GRIA1: variants seen among roughly 807,000 people sequenced by gnomAD.
GRIA1 encodes the protein glutamate receptor 1.
In GRIA1, 31 loss-of-function variants were observed where a neutral mutation model predicts 99.2. The observed-to-expected ratio is 0.31, with a 90% confidence interval of 0.23 to 0.42. The LOEUF is 0.42. GRIA1 is among the 10% of genes least tolerant of loss of function. GRIA1 has a pLI of 1.00. For missense variants in GRIA1, 782 were observed against 1,157.5 expected, an observed-to-expected ratio of 0.68 and a Z score of 4.71; for synonymous variants, 438 against 432.4, an observed-to-expected ratio of 1.01 and a Z score of -0.16.
At chr5:153,707,227 C>G (rs1016076800) in intron 11 of GRIA1, among the ~76,000 whole-genome samples, 2 of 152,114 alleles carry the variant, frequency 1.3e-5, no homozygotes, top group Admixed American at 1.3e-4. Context: ...CACATGGAAT[C>G]AGAATGGCTC....
intron 2 of GRIA1, among the ~76,000 whole-genome samples, chr5:153,582,990 G>A (rs1296284900): frequency 6.6e-6 from 1 of 152,104 alleles, no homozygotes; most frequent in East Asian, 1.9e-4. Flanking sequence ...TAGAGACGGG[G>A]TTTCATCATG....
chr5:153,706,124 G>GTTTGTTTT (rs1758876505), intron 11 of GRIA1, 57 bp downstream of exon 11: 1 of 1,497,894 alleles, frequency 6.7e-7, no homozygotes, highest in African/African-American at 1.4e-5. Flanking sequence ...TTGTTTGTTT[G>GTTTGTTTT]TTTGTTTGTT....
chr5:153,499,671 T>C (rs1013442408), intron 2 of GRIA1, among the ~76,000 whole-genome samples: 1 of 124,726 alleles, frequency 8.0e-6, no homozygotes, highest in African/African-American at 3.1e-5. Flanking sequence ...AAAAGTACCA[T>C]AGCAGTGAAA....
At chr5:153,743,805 A>G (rs977590561) in intron 11 of GRIA1, among the ~76,000 whole-genome samples, 1 of 152,250 alleles carries the variant, frequency 6.6e-6, no homozygotes, top group East Asian at 1.9e-4. Flanking sequence ...TAATCATAGC[A>G]GTAACACCAG....
At chr5:153,542,266 C>T (rs1759196108) in intron 2 of GRIA1, among the ~76,000 whole-genome samples, 1 of 152,166 alleles carries the variant, frequency 6.6e-6, no homozygotes, top group African/African-American at 2.4e-5. Flanking sequence ...GATAGAACCC[C>T]TATAAGTCAA....
intron 2 of GRIA1, among the ~76,000 whole-genome samples, chr5:153,645,706 T>C (rs1754097426): frequency 6.6e-6 from 1 of 152,152 alleles, no homozygotes; most frequent in South Asian, 2.1e-4. Flanking sequence ...TCGCATACTG[T>C]AATTTGAGAT....
chr5:153,810,716 A>G (rs1286076314), intron 15 of GRIA1, among the ~76,000 whole-genome samples: 1 of 152,216 alleles, frequency 6.6e-6, no homozygotes, highest in Non-Finnish European at 1.5e-5. Context: ...CACATTAATC[A>G]ATAATACCAA....
At chr5:153,521,210 T>G (rs913687214) in intron 2 of GRIA1, among the ~76,000 whole-genome samples, 2 of 152,230 alleles carry the variant, frequency 1.3e-5, no homozygotes, top group African/African-American at 4.8e-5. Context: ...AGCACAATGC[T>G]TAGGCTATGC....
chr5:153,777,248 G>C (rs764472990), intron 13 of GRIA1, among the ~76,000 whole-genome samples: 1 of 152,134 alleles, frequency 6.6e-6, no homozygotes, highest in Non-Finnish European at 1.5e-5. Context: ...TCAGGGAGGC[G>C]ATGTGCTAGT....
chr5:153,578,109 C>A (rs574116392), intron 2 of GRIA1, among the ~76,000 whole-genome samples: 1 of 126,486 alleles, frequency 7.9e-6, no homozygotes, highest in Non-Finnish European at 1.6e-5. Context: ...CAAGATCACA[C>A]CATTGCGCCC....
In GRIA1 at chr5:153,701,918, G is replaced by A. The variant is rs143760956; in HGVS notation, c.1452+2845G>A. ...AATGATAGTAGTCACATTTCATCGT[G>A]TAGCGTGTGCCAGGTGCTATGTTGA... On this transcript the variant is annotated intron_variant, in intron 10 of 15. Transcript: ENST00000285900. Among the ~76,000 whole-genome samples, 456 of 152,228 alleles carry A rather than the reference G, an allele frequency of 3.0e-3. 4 individuals carry two copies. The highest frequency in any genetic ancestry group is 0.01 in the African/African-American group (426 of 41,532).
intron 2 of GRIA1, among the ~76,000 whole-genome samples, chr5:153,501,174 C>A (rs1192577761): frequency 6.6e-6 from 1 of 152,188 alleles, no homozygotes; most frequent in South Asian, 2.1e-4. Context: ...TACTTTGGGG[C>A]CTCAGATGAA....
intron 2 of GRIA1, among the ~76,000 whole-genome samples, chr5:153,562,602 G>T (rs1761228660): frequency 6.6e-6 from 1 of 152,192 alleles, no homozygotes; most frequent in Non-Finnish European, 1.5e-5. Context: ...CTAGACGAGA[G>T]AAATATTGAC....
intron 2 of GRIA1, among the ~76,000 whole-genome samples, chr5:153,504,217 C>A (rs1470839522): frequency 6.6e-6 from 1 of 151,664 alleles, no homozygotes; most frequent in Non-Finnish European, 1.5e-5. Context: ...TTAAGCCAGC[C>A]CACCAAAACC....
At chr5:153,775,782 C>T (rs1035094753) in intron 13 of GRIA1, among the ~76,000 whole-genome samples, 21 of 146,616 alleles carry the variant, frequency 1.4e-4, no homozygotes, top group Admixed American at 4.0e-4. Flanking sequence ...GGAGAGTCAA[C>T]GTTTGCGTGG....
At position 153,574,580 on chromosome 5, in the gene GRIA1, G is replaced by A. The variant is rs138850329; in HGVS notation, c.221-72348G>A. ...TAATTAGAGAAGTAATTTTAGGTAA[G>A]AGTATTATGACCTGATTTCTGATTA... On this transcript the variant is annotated intron_variant, in intron 2 of 15. Transcript: ENST00000285900. 1.4e-3 allele frequency among the ~76,000 whole-genome samples: 208 copies of A among 152,248 alleles called. 1 individual carries two copies. The highest frequency in any genetic ancestry group is 4.8e-3 in the African/African-American group (198 of 41,558).
intron 15 of GRIA1, among the ~76,000 whole-genome samples, chr5:153,808,516 A>G (rs1422051904): frequency 6.6e-6 from 1 of 152,194 alleles, no homozygotes; most frequent in East Asian, 1.9e-4. Context: ...GTAAAAGAAC[A>G]AATTAGATCA....
intron 2 of GRIA1, among the ~76,000 whole-genome samples, chr5:153,554,511 T>C (rs1371549434): frequency 6.6e-6 from 1 of 152,176 alleles, no homozygotes; most frequent in African/African-American, 2.4e-5. Flanking sequence ...GTTTTGTTTT[T>C]GAGATGGAGT....
At chr5:153,705,157 C>T (rs1758799209) in intron 10 of GRIA1, among the ~76,000 whole-genome samples, 1 of 152,160 alleles carries the variant, frequency 6.6e-6, no homozygotes, top group African/African-American at 2.4e-5. Flanking sequence ...TTTACAGTTG[C>T]CTGAATTATG....
Sources: allele counts gnomAD v4.1 joint callset (sites outside exome capture counted in the v4.1 genomes callset), GRCh38; gene constraint gnomAD v4.1.1; transcripts MANE v1.5; gene names NCBI Gene and HGNC (gene_info 2026-07-23, HGNC 2026-07-21).